The following ADCY9 variants were observed in gnomAD, a reference collection of about 807,000 sequenced individuals.
ADCY9 encodes the protein adenylate cyclase type 9.
Under a neutral mutation model 101.5 loss-of-function variants are expected in ADCY9, and 50 were observed. The observed-to-expected ratio is 0.49, with a 90% CI of 0.39 to 0.62. The LOEUF (loss-of-function observed/expected upper bound fraction) is 0.62. Ranked by LOEUF, ADCY9 falls within the 20% of genes least tolerant of loss-of-function variation. The pLI is 0.00. For synonymous variants in ADCY9, 905 were observed against 769.3 expected, an observed-to-expected ratio of 1.18 and a Z score of -2.92; for missense variants, 1,662 against 1,800.4, an observed-to-expected ratio of 0.92 and a Z score of 1.39.
At chr16:3,984,397 G>C (rs2056172955) in intron 6 of ADCY9, among the ~76,000 whole-genome samples, 1 of 152,224 alleles carries the variant, frequency 6.6e-6, no homozygotes, top group Non-Finnish European at 1.5e-5. Flanking sequence ...GCACACACTA[G>C]TGTTCGGCAA....
chr16:4,010,952 C>T (rs1159607679), intron 2 of ADCY9, among the ~76,000 whole-genome samples: 4 of 152,238 alleles, frequency 2.6e-5, no homozygotes, highest in African/African-American at 4.8e-5. Flanking sequence ...CCTCCCCAGA[C>T]ACCTGAACCT....
intron 2 of ADCY9, among the ~76,000 whole-genome samples, chr16:4,015,228 A>C (rs2056430689): frequency 6.6e-6 from 1 of 152,132 alleles, no homozygotes; most frequent in South Asian, 2.1e-4. Flanking sequence ...GGCGTGAGCG[A>C]CCGTGCCTGG....
chr16:4,076,632 C>G (rs759742947), intron 2 of ADCY9, among the ~76,000 whole-genome samples: 1 of 150,978 alleles, frequency 6.6e-6, no homozygotes, highest in Non-Finnish European at 1.5e-5. Flanking sequence ...ACAAGAGCAC[C>G]CAAACAGCAT....
chr16:4,059,072 C>T (rs1388583243), intron 2 of ADCY9, among the ~76,000 whole-genome samples: 1 of 151,946 alleles, frequency 6.6e-6, no homozygotes, highest in Non-Finnish European at 1.5e-5. Context: ...TTACAACAAG[C>T]TTATAGTACT....
chr16:3,973,396 G>A (rs368116161), intron 10 of ADCY9, among the ~76,000 whole-genome samples: 23 of 152,154 alleles, frequency 1.5e-4, no homozygotes, highest in East Asian at 1.2e-3. Context: ...TAGTAGAGAC[G>A]GGGTTTTGCC....
intron 2 of ADCY9, among the ~76,000 whole-genome samples, chr16:4,051,652 AAATGAT>A (rs1224470611): frequency 6.6e-6 from 1 of 152,210 alleles, no homozygotes; most frequent in East Asian, 1.9e-4. Context: ...GTATCGAAGC[AAATGAT>A]AATGGTAATG....
chr16:4,067,433 T>C (rs1021415329), intron 2 of ADCY9, among the ~76,000 whole-genome samples: 1 of 152,110 alleles, frequency 6.6e-6, no homozygotes, highest in African/African-American at 2.4e-5. Flanking sequence ...GTGAACATGA[T>C]CTGGCAGCAT....
At chr16:4,082,320 A>G (rs923753650) in intron 2 of ADCY9, among the ~76,000 whole-genome samples, 1 of 152,214 alleles carries the variant, frequency 6.6e-6, no homozygotes, top group East Asian at 1.9e-4. Flanking sequence ...TCAAGGCTAC[A>G]GTGAGCCACT....
intron 2 of ADCY9, among the ~76,000 whole-genome samples, chr16:4,039,765 G>A (rs1262992887): frequency 6.6e-6 from 1 of 151,878 alleles, no homozygotes; most frequent in Non-Finnish European, 1.5e-5. Context: ...GAGGTCAGGT[G>A]CAGGGACTCA....
chr16:3,993,713 C>A (rs1255254603), intron 3 of ADCY9, among the ~76,000 whole-genome samples: 2 of 152,164 alleles, frequency 1.3e-5, no homozygotes, highest in African/African-American at 2.4e-5. Context: ...ACGAACGCAA[C>A]AGGACCCAAA....
At chr16:3,975,229 G>A (rs2056084252) in intron 9 of ADCY9, among the ~76,000 whole-genome samples, 1 of 152,184 alleles carries the variant, frequency 6.6e-6, no homozygotes, top group Non-Finnish European at 1.5e-5. Flanking sequence ...TCGAGAAAGA[G>A]CTCATCGTGA....
At chr16:3,976,054 C>A (rs1456932337) in intron 9 of ADCY9, among the ~76,000 whole-genome samples, 1 of 152,104 alleles carries the variant, frequency 6.6e-6, no homozygotes, top group East Asian at 1.9e-4. Context: ...TGCAGTGGCG[C>A]GATCTCGGTT....
chr16:4,105,657 G>GCAA (rs1251085195), intron 2 of ADCY9, among the ~76,000 whole-genome samples: 1 of 148,236 alleles, frequency 6.7e-6, no homozygotes. Flanking sequence ...TCCAGCCTGG[G>GCAA]CAAGAGTGAG....
intron 2 of ADCY9, among the ~76,000 whole-genome samples, chr16:4,086,493 G>T (rs190696010): frequency 2.2e-4 from 33 of 152,170 alleles, no homozygotes; most frequent in African/African-American, 7.5e-4. Context: ...ATGGACGTGA[G>T]GAGACGTCAG....
chr16:4,108,378 T>TTTC (rs1555447308), intron 2 of ADCY9, among the ~76,000 whole-genome samples: 1 of 141,512 alleles, frequency 7.1e-6, no homozygotes, highest in African/African-American at 2.6e-5. Context: ...TTTTTTTTTT[T>TTTC]TTTTTTTTTT....
intron 3 of ADCY9, among the ~76,000 whole-genome samples, chr16:3,999,717 G>A (rs1207978426): frequency 6.6e-6 from 1 of 152,216 alleles, no homozygotes; most frequent in Non-Finnish European, 1.5e-5. Flanking sequence ...AGCAAACTCT[G>A]CATTTTTCCG....
intron 8 of ADCY9, among the ~76,000 whole-genome samples, chr16:3,978,817 T>C (rs2056115050): frequency 6.6e-6 from 1 of 152,162 alleles, no homozygotes; most frequent in African/African-American, 2.4e-5. Context: ...CCTCCCAGGT[T>C]CAAGCGATTC....
chr16:3,995,389 C>A (rs2056278811), intron 3 of ADCY9, among the ~76,000 whole-genome samples: 1 of 152,082 alleles, frequency 6.6e-6, no homozygotes, highest in Non-Finnish European at 1.5e-5. Flanking sequence ...GATGGTGCCA[C>A]TGCACTCCAG....
intron 2 of ADCY9, among the ~76,000 whole-genome samples, chr16:4,040,882 C>G (rs1313767646): frequency 2.6e-5 from 4 of 152,142 alleles, no homozygotes; most frequent in Non-Finnish European, 5.9e-5. Context: ...CTTTTCATTT[C>G]CATTACCTCA....
Sources: allele counts gnomAD v4.1 joint callset (sites outside exome capture counted in the v4.1 genomes callset), GRCh38; gene constraint gnomAD v4.1.1; transcripts MANE v1.5; gene names NCBI Gene and HGNC (gene_info 2026-07-23, HGNC 2026-07-21).